The following LRBA variants were observed in gnomAD, a reference collection of about 807,000 sequenced individuals.
LRBA encodes the protein lipopolysaccharide-responsive and beige-like anchor protein.
Under a neutral mutation model 330.0 loss-of-function variants are expected in LRBA, and 176 were observed. That is an observed-to-expected ratio of 0.53 (90% confidence interval 0.47 to 0.60). The LOEUF is 0.60. Ranked by LOEUF, LRBA falls within the 20% of genes least tolerant of loss-of-function variation. The pLI, the probability that LRBA is intolerant of heterozygous loss-of-function variation, is 0.00. For missense variants in LRBA, 3,259 were observed against 3,444.8 expected, an observed-to-expected ratio of 0.95 and a Z score of 1.35; for synonymous variants, 1,230 against 1,193.0, an observed-to-expected ratio of 1.03 and a Z score of -0.64.
intron 55 of LRBA, among the ~76,000 whole-genome samples, chr4:150,278,340 C>T (rs1461848632): frequency 6.6e-6 from 1 of 152,164 alleles, no homozygotes; most frequent in Non-Finnish European, 1.5e-5. Context: ...ATTTGCACTG[C>T]AGACATGCTA....
chr4:150,556,904 G>A (rs1412059895), intron 40 of LRBA, among the ~76,000 whole-genome samples: 1 of 152,154 alleles, frequency 6.6e-6, no homozygotes, highest in Non-Finnish European at 1.5e-5. Context: ...TTAAAAATAT[G>A]TAGCTGAATA....
intron 37 of LRBA, among the ~76,000 whole-genome samples, chr4:150,672,343 C>T (rs934400838): frequency 4.6e-5 from 7 of 150,554 alleles, no homozygotes; most frequent in East Asian, 3.9e-4. Context: ...AATAAAGTTT[C>T]GATTTTTTCT....
chr4:150,883,204 T>C (rs540140812), intron 17 of LRBA, among the ~76,000 whole-genome samples: 6 of 152,308 alleles, frequency 3.9e-5, no homozygotes, highest in East Asian at 1.9e-4. Context: ...CTCACGCATG[T>C]AATCCCAGCA....
intron 9 of LRBA, among the ~76,000 whole-genome samples, chr4:150,912,415 A>C (rs1003694143): frequency 2.0e-5 from 3 of 152,212 alleles, no homozygotes; most frequent in African/African-American, 7.2e-5. Flanking sequence ...AATACCTGAT[A>C]ATCTGTCACT....
intron 36 of LRBA, among the ~76,000 whole-genome samples, chr4:150,711,476 G>C (rs1786211498): frequency 6.6e-6 from 1 of 152,004 alleles, no homozygotes; most frequent in African/African-American, 2.4e-5. Context: ...GATCTCAAGT[G>C]ATCCACCCAC....
At chr4:150,806,786 G>T (rs1742859948) in intron 32 of LRBA, among the ~76,000 whole-genome samples, 1 of 151,896 alleles carries the variant, frequency 6.6e-6, no homozygotes. Flanking sequence ...CAAGAACCAT[G>T]ACTTCATTTT....
At chr4:150,974,257 G>A (rs1739902279) in intron 2 of LRBA, among the ~76,000 whole-genome samples, 1 of 152,176 alleles carries the variant, frequency 6.6e-6, no homozygotes, top group Admixed American at 6.5e-5. Flanking sequence ...TCAGAGTTCA[G>A]AGAGAATGAG....
At chr4:150,933,442 G>A (rs1734725415) in intron 2 of LRBA, among the ~76,000 whole-genome samples, 1 of 151,632 alleles carries the variant, frequency 6.6e-6, no homozygotes. Flanking sequence ...AAAAGAATGA[G>A]GCCACTCCAC....
At chr4:150,638,010 A>T (rs186841093) in intron 37 of LRBA, among the ~76,000 whole-genome samples, 21 of 152,244 alleles carry the variant, frequency 1.4e-4, no homozygotes, top group African/African-American at 5.1e-4. Context: ...ATAGGGGATT[A>T]TATTGAATCT....
chr4:150,415,671 T>C (rs2151952295), intron 46 of LRBA, 81 bp from the exon 47 acceptor site: 1 of 827,186 alleles, frequency 1.2e-6, no homozygotes, highest in South Asian at 1.9e-5. Flanking sequence ...CTGATCATTT[T>C]CTATTGTTCA....
intron 44 of LRBA, among the ~76,000 whole-genome samples, chr4:150,444,635 G>A (rs1752351698): frequency 6.6e-6 from 1 of 152,098 alleles, no homozygotes; most frequent in Admixed American, 6.6e-5. Context: ...GCACACCACC[G>A]TGGCTTTTAG....
chr4:150,760,325 T>G (rs559010902), intron 35 of LRBA, among the ~76,000 whole-genome samples: 93 of 152,242 alleles, frequency 6.1e-4, no homozygotes, highest in African/African-American at 1.9e-3. Flanking sequence ...ACCTACTACT[T>G]GCCACACTCT....
At chr4:150,286,235 C>T (rs1026518214) in intron 53 of LRBA, among the ~76,000 whole-genome samples, 1 of 152,072 alleles carries the variant, frequency 6.6e-6, no homozygotes, top group African/African-American at 2.4e-5. Context: ...TGTCAAGTAA[C>T]CTTTATGTGA....
chr4:150,582,695 T>C (rs992322254), intron 40 of LRBA: 2 of 231,664 alleles, frequency 8.6e-6, no homozygotes, highest in Non-Finnish European at 1.7e-5. Flanking sequence ...CTCCTTCTCC[T>C]TCCTCACGCC....
At chr4:150,314,835 A>T (rs907521847) in intron 51 of LRBA, 12 of 152,218 alleles carry the variant, frequency 7.9e-5, no homozygotes, top group Admixed American at 2.0e-4. Context: ...ACAGCAATTA[A>T]ATATTCTAAG....
rs1387969525 is a variant in LRBA, at chr4:150,963,685, A to G, written c.217-34620T>C. On this transcript the variant is annotated intron_variant, in intron 2 of 56. Transcript: ENST00000651943. ...GAGGAGCCCCTCTGCCTGGCCGCCC[A>G]GTCCGGGAAGTGAGGAGTGCCTCTT... Among the ~76,000 whole-genome samples, 3 of 132,492 alleles carry G rather than the reference A, an allele frequency of 2.3e-5. 1 individual carries two copies. Among genetic ancestry groups the G allele is most frequent in the African/African-American group, 9.5e-5 (3 of 31,636 alleles). 86.9% of individuals were successfully genotyped at this position (132,492 alleles called of 152,430 possible).
At chr4:150,303,659 C>T (rs1015273858) in intron 52 of LRBA, among the ~76,000 whole-genome samples, 1 of 152,076 alleles carries the variant, frequency 6.6e-6, no homozygotes, top group Non-Finnish European at 1.5e-5. Flanking sequence ...GCAAGCTCTG[C>T]TTCCCAGGTT....
intron 40 of LRBA, among the ~76,000 whole-genome samples, chr4:150,554,078 T>A (rs961966720): frequency 6.6e-6 from 1 of 152,188 alleles, no homozygotes; most frequent in Non-Finnish European, 1.5e-5. Context: ...AGGAGATACA[T>A]GCAGGACATG....
chr4:150,417,308 AT>A (rs1430535213), intron 46 of LRBA, among the ~76,000 whole-genome samples: 2 of 152,046 alleles, frequency 1.3e-5, no homozygotes, highest in African/African-American at 2.4e-5. Context: ...TCACTATATA[AT>A]TTTCTAGTAT....
Sources: allele counts gnomAD v4.1 joint callset (sites outside exome capture counted in the v4.1 genomes callset), GRCh38; gene constraint gnomAD v4.1.1; transcripts MANE v1.5; gene names NCBI Gene and HGNC (gene_info 2026-07-23, HGNC 2026-07-21).